The following PPARG variants were observed in gnomAD, a reference collection of about 807,000 sequenced individuals.
PPARG encodes peroxisome proliferator activated receptor gamma, also known as peroxisome proliferator-activated receptor gamma.
In PPARG, 17 loss-of-function variants were observed where a neutral mutation model predicts 39.2. The ratio of observed to expected loss-of-function variants is 0.43; its 90% CI spans 0.30 to 0.65. The LOEUF (loss-of-function observed/expected upper bound fraction) is 0.65. Among genes scored for constraint, PPARG ranks in the 30% least tolerant of loss-of-function variants. PPARG has a pLI of 0.13. For missense variants in PPARG, 406 were observed against 585.9 expected, an observed-to-expected ratio of 0.69 and a Z score of 3.17; for synonymous variants, 223 against 215.7, an observed-to-expected ratio of 1.03 and a Z score of -0.30.
At chr3:12,316,868 G>A (rs2047403422) in intron 2 of PPARG, among the ~76,000 whole-genome samples, 1 of 152,066 alleles carries the variant, frequency 6.6e-6, no homozygotes, top group Non-Finnish European at 1.5e-5. Flanking sequence ...AGTTGCTTTT[G>A]GGGTTAATTT....
intron 2 of PPARG, among the ~76,000 whole-genome samples, chr3:12,363,540 C>G (rs1213549894): frequency 2.0e-5 from 3 of 152,134 alleles, no homozygotes; most frequent in Admixed American, 2.0e-4. Context: ...TGGCTTTCCC[C>G]CTATGGTAAT....
chr3:12,299,870 A>G (rs2046884686), intron 1 of PPARG, among the ~76,000 whole-genome samples: 1 of 152,172 alleles, frequency 6.6e-6, no homozygotes, highest in South Asian at 2.1e-4. Context: ...TTAGAATATA[A>G]TATTTGCGTA....
intron 5 of PPARG, among the ~76,000 whole-genome samples, chr3:12,404,852 C>T (rs1026320254): frequency 2.0e-5 from 3 of 152,162 alleles, no homozygotes; most frequent in African/African-American, 7.2e-5. Flanking sequence ...TGGGATTCAG[C>T]AGAGACAGAG....
chr3:12,346,221 T>C (rs1011828918), intron 2 of PPARG, among the ~76,000 whole-genome samples: 4 of 152,208 alleles, frequency 2.6e-5, no homozygotes, highest in Admixed American at 6.5e-5. Context: ...TTTGAGACTT[T>C]TAATTTATCA....
intron 2 of PPARG, among the ~76,000 whole-genome samples, chr3:12,359,590 G>A (rs1414717376): frequency 6.6e-6 from 1 of 151,396 alleles, no homozygotes; most frequent in Non-Finnish European, 1.5e-5. Context: ...CAGTGTCCTT[G>A]TAAAGCAGAA....
At chr3:12,431,135 C>A (rs2051646324) in intron 7 of PPARG, among the ~76,000 whole-genome samples, 1 of 151,662 alleles carries the variant, frequency 6.6e-6, no homozygotes, top group Admixed American at 6.6e-5. Context: ...TCTTGATGAG[C>A]CTGACTGAGA....
chr3:12,306,324 C>G (rs185922963), intron 1 of PPARG, among the ~76,000 whole-genome samples: 3 of 152,350 alleles, frequency 2.0e-5, no homozygotes, highest in Admixed American at 2.0e-4. Context: ...TCGCCCACCA[C>G]TCATCTCCTG....
intron 4 of PPARG, among the ~76,000 whole-genome samples, chr3:12,390,688 T>C (rs2050045421): frequency 7.7e-6 from 1 of 130,084 alleles, no homozygotes; most frequent in Admixed American, 9.4e-5. Context: ...TCACCCAGAC[T>C]GGAGTGCAGT....
intron 1 of PPARG, among the ~76,000 whole-genome samples, chr3:12,293,901 C>G (rs2046713302): frequency 6.6e-6 from 1 of 152,134 alleles, no homozygotes; most frequent in African/African-American, 2.4e-5. Flanking sequence ...CTGTCATACA[C>G]CTCTTAAAAT....
chr3:12,309,110 T>C (rs1302944426), intron 1 of PPARG, among the ~76,000 whole-genome samples: 1 of 152,236 alleles, frequency 6.6e-6, no homozygotes, highest in Non-Finnish European at 1.5e-5. Context: ...TAGAACCTTT[T>C]CTGTTGGAAA....
At chr3:12,362,879 T>TA (rs375940685) in intron 2 of PPARG, among the ~76,000 whole-genome samples, 44 of 150,644 alleles carry the variant, frequency 2.9e-4, no homozygotes, top group Admixed American at 1.5e-3. Context: ...GTTTTTTATT[T>TA]AAAAAAAAAA....
At chr3:12,322,639 A>G (rs1416490123) in intron 2 of PPARG, among the ~76,000 whole-genome samples, 1 of 152,224 alleles carries the variant, frequency 6.6e-6, no homozygotes, top group African/African-American at 2.4e-5. Context: ...GAGGAGCTTC[A>G]TGGGGAAAGA....
intron 2 of PPARG, chr3:12,344,695 TAA>T (rs2048279039): frequency 6.6e-6 from 1 of 152,230 alleles, no homozygotes; most frequent in Admixed American, 6.5e-5. Context: ...ATAAGAGCGA[TAA>T]GAGTGTTGCT....
rs149899699 is a variant in PPARG at position 12,357,299 on chromosome 3, A to T, written c.-8-22405A>T. The stretch of plus-strand genomic sequence containing the variant: ...CTGGTCTTCTCTCTCTCTTCCACCC[A>T]CTCTGCTCCAAGCACGCCGGCCTCC... On this transcript the variant is annotated intron_variant, in intron 2 of 7. Transcript: ENST00000651735. Among the ~76,000 whole-genome samples, 264 of 150,228 alleles carry T rather than the reference A, an allele frequency of 1.8e-3. 1 individual carries two copies. Among genetic ancestry groups the T allele is most frequent in the Non-Finnish European group, 3.1e-3 (210 of 67,434 alleles).
intron 2 of PPARG, among the ~76,000 whole-genome samples, chr3:12,319,282 G>T (rs2047473770): frequency 6.6e-6 from 1 of 152,182 alleles, no homozygotes; most frequent in Admixed American, 6.5e-5. Context: ...TCCCACTGGG[G>T]AAATACCATG....
chr3:12,396,599 C>T (rs1371582300), intron 5 of PPARG, among the ~76,000 whole-genome samples: 1 of 151,842 alleles, frequency 6.6e-6, no homozygotes, highest in African/African-American at 2.4e-5. Flanking sequence ...TCTACTAAAA[C>T]TACAAAAAAT....
intron 1 of PPARG, among the ~76,000 whole-genome samples, chr3:12,295,698 A>T (rs1287005009): frequency 6.6e-6 from 1 of 151,824 alleles, no homozygotes; most frequent in Admixed American, 6.6e-5. Context: ...CATTTTTATT[A>T]GAGACGGGGT....
In PPARG at chr3:12,434,103, T is replaced by G. The variant is rs914519822; in HGVS notation, c.1386T>G (p.Ser462Arg). The G allele has an allele frequency of 1.2e-6, 2 of 1,613,990 alleles. No homozygotes were observed. The highest frequency in any genetic ancestry group is 8.5e-7 in the Non-Finnish European group (1 of 1,179,986). Residue 462 changes from serine (S) to arginine (R), a missense_variant, in exon 8 of 8, where the codon AGT becomes AGG. By Grantham distance (110) the Ser-to-Arg change is moderately radical. Around this residue, in one of 2 missense-constraint regions of PPARG, gnomAD observed 275 missense variants for 458.0 expected, o/e 0.60. Transcript: ENST00000651735. This position sits in a 1 kb window ranked among gnomAD's most constrained non-coding sequence, Gnocchi z 4.2. The part of the protein sequence containing the change: ...QVIKKTETDM[S>R]LHPLLQEIYK... ...TCAAGAAGACGGAGACAGACATGAG[T>G]CTTCACCCGCTCCTGCAGGAGATCT...
chr3:12,295,517 T>A (rs1033831636), intron 1 of PPARG, among the ~76,000 whole-genome samples: 8 of 82,386 alleles, frequency 9.7e-5, no homozygotes, highest in East Asian at 7.2e-4. Context: ...AAAAAAAATT[T>A]TTTTTTTTTT....
Sources: gnomAD v4.1 joint callset for allele counts (sites outside exome capture counted in the v4.1 genomes callset) on GRCh38, gnomAD v4.1.1 for gene constraint, gnomAD v4.1.1 regional missense constraint, Gnocchi (gnomAD v3.1) non-coding constraint, MANE v1.5 for transcripts, NCBI Gene and HGNC (gene_info 2026-07-23, HGNC 2026-07-21) for gene names.